Variants in DPP6 observed in about 807,000 individuals in gnomAD.
DPP6 encodes A-type potassium channel modulatory protein DPP6.
DPP6 carries 69 observed loss-of-function variants against 122.6 expected under a neutral mutation model. The ratio of observed to expected loss-of-function variants is 0.56; its 90% CI spans 0.46 to 0.69. The LOEUF (loss-of-function observed/expected upper bound fraction) is 0.69. Among genes scored for constraint, DPP6 ranks in the 30% least tolerant of loss-of-function variants. The pLI is 0.00. For missense variants in DPP6, 928 were observed against 1,116.9 expected, an observed-to-expected ratio of 0.83 and a Z score of 2.41; for synonymous variants, 418 against 433.1, an observed-to-expected ratio of 0.97 and a Z score of 0.43.
At chr7:154,358,021 T>C (rs1811420507) in intron 1 of DPP6, among the ~76,000 whole-genome samples, 1 of 152,132 alleles carries the variant, frequency 6.6e-6, no homozygotes, top group Non-Finnish European at 1.5e-5. Flanking sequence ...ATGTCAGTGG[T>C]GTCCCTCAAA....
At chr7:154,044,153 G>A (rs546884644) in intron 1 of DPP6, among the ~76,000 whole-genome samples, 5 of 152,264 alleles carry the variant, frequency 3.3e-5, no homozygotes, top group East Asian at 1.9e-4. Flanking sequence ...GGGCAATTTC[G>A]GTGTACCTCT....
Position 154,403,269 on chromosome 7 carries a change from T to C in DPP6, c.244-42945T>C, listed in dbSNP as rs1196177295. ...TGGCCTCAGAATGTCTGCCTCTGAC[T>C]ATGCAGGAGGTTGCTGTGTGATAGA... On this transcript the variant is annotated intron_variant, in intron 1 of 25. Transcript: ENST00000377770. The surrounding 1 kb of genome is among the most constrained non-coding windows in gnomAD (Gnocchi z 4.1). 2.0e-5 allele frequency among the ~76,000 whole-genome samples: 3 copies of C among 152,202 alleles called. No individual in the cohort carries two copies. The highest frequency in any genetic ancestry group is 4.4e-5 in the Non-Finnish European group (3 of 68,030).
chr7:154,871,787 A>C (rs1804421270), intron 18 of DPP6, among the ~76,000 whole-genome samples: 1 of 152,240 alleles, frequency 6.6e-6, no homozygotes, highest in African/African-American at 2.4e-5. Flanking sequence ...TAGTAATTGT[A>C]TTGAAAAGCC....
At chr7:154,731,603 C>G (rs932604924) in intron 8 of DPP6, among the ~76,000 whole-genome samples, 2 of 152,198 alleles carry the variant, frequency 1.3e-5, no homozygotes, top group African/African-American at 2.4e-5. Flanking sequence ...GTGTATCTGT[C>G]TTGCTGATTC....
chr7:154,411,950 G>A (rs1327086150), intron 1 of DPP6, among the ~76,000 whole-genome samples: 1 of 152,060 alleles, frequency 6.6e-6, no homozygotes, highest in African/African-American at 2.4e-5. Flanking sequence ...ACCCCAAGCA[G>A]GGTGTGGCTT....
At chr7:154,722,023 CAGAT>C (rs751608804) in intron 7 of DPP6, among the ~76,000 whole-genome samples, 2 of 148,166 alleles carry the variant, frequency 1.3e-5, no homozygotes, top group African/African-American at 5.1e-5. Flanking sequence ...AAAAAAGATA[CAGAT>C]AGATAGATAT....
At chr7:154,147,239 A>G (rs1796138470) in intron 1 of DPP6, among the ~76,000 whole-genome samples, 1 of 151,446 alleles carries the variant, frequency 6.6e-6, no homozygotes, top group Non-Finnish European at 1.5e-5. Context: ...CATGGTTCTC[A>G]CTCCTCTCTC....
chr7:154,271,236 C>G (rs1803767509), intron 1 of DPP6, among the ~76,000 whole-genome samples: 1 of 152,038 alleles, frequency 6.6e-6, no homozygotes, highest in African/African-American at 2.4e-5. Flanking sequence ...TCAGTGATAC[C>G]CCATTTATGT....
chr7:154,468,698 A>G (rs1323664812), intron 2 of DPP6, among the ~76,000 whole-genome samples: 2 of 152,250 alleles, frequency 1.3e-5, no homozygotes, highest in Non-Finnish European at 2.9e-5. Flanking sequence ...GAAGCTTAAA[A>G]TAAAGCATAA....
intron 1 of DPP6, among the ~76,000 whole-genome samples, chr7:154,010,969 G>A (rs1798127622): frequency 6.6e-6 from 1 of 152,226 alleles, no homozygotes; most frequent in African/African-American, 2.4e-5. Context: ...GGGTACTTGA[G>A]TGGCAGCAGA....
In DPP6 at chr7:153,925,907, C is replaced by T. The variant is rs186857347; in HGVS notation, c.51+38173C>T. On this transcript the variant is annotated intron_variant, in intron 1 of 25. Coordinates refer to the DPP6 transcript ENST00000404039. ...GTGTCTGGTATATTTCCAGTTACATCGTAGGAACTCCTGTGATGGCATGAG... is the reference window on the plus strand; with the variant it reads ...GTGTCTGGTATATTTCCAGTTACATTGTAGGAACTCCTGTGATGGCATGAG... Among the ~76,000 whole-genome samples, 62 of 152,286 alleles carry T rather than the reference C, an allele frequency of 4.1e-4. No homozygotes were observed. The East Asian group carries it at 5.8e-3, about 14-fold the overall frequency.
intron 1 of DPP6, chr7:154,092,053 A>C (rs1183076908): frequency 1.3e-5 from 2 of 151,890 alleles, no homozygotes; most frequent in African/African-American, 4.8e-5. Flanking sequence ...CTTATGCAGA[A>C]AGGGGTTCTC....
chr7:154,168,107 A>G (rs2150722331), intron 1 of DPP6, among the ~76,000 whole-genome samples: 1 of 152,338 alleles, frequency 6.6e-6, no homozygotes, highest in East Asian at 1.9e-4. Flanking sequence ...ACCAGCCTCT[A>G]AGAAATAGAG....
At chr7:154,661,760 G>T (rs11978716) in intron 6 of DPP6, among the ~76,000 whole-genome samples, 1 of 82,094 alleles carries the variant, frequency 1.2e-5, no homozygotes, top group East Asian at 4.6e-4. Context: ...ACCATGGCGT[G>T]TTGGCCCTAG....
intron 2 of DPP6, among the ~76,000 whole-genome samples, chr7:154,456,673 A>C (rs899278955): frequency 3.3e-5 from 5 of 152,166 alleles, no homozygotes; most frequent in African/African-American, 1.2e-4. Context: ...TCTGAAATGG[A>C]GGATTACCCT....
At chr7:154,006,931 C>T (rs542716918) in intron 1 of DPP6, among the ~76,000 whole-genome samples, 1 of 152,220 alleles carries the variant, frequency 6.6e-6, no homozygotes, top group Admixed American at 6.5e-5. Flanking sequence ...GCTACCTCCC[C>T]CTGAAAGGGG....
intron 1 of DPP6, among the ~76,000 whole-genome samples, chr7:154,396,685 G>A (rs1815117010): frequency 6.6e-6 from 1 of 152,214 alleles, no homozygotes; most frequent in African/African-American, 2.4e-5. Flanking sequence ...TCTCGGCCAG[G>A]CACAGTGGCT....
intron 1 of DPP6, among the ~76,000 whole-genome samples, chr7:154,331,761 C>T (rs1808965825): frequency 6.6e-6 from 1 of 152,134 alleles, no homozygotes; most frequent in Non-Finnish European, 1.5e-5. Flanking sequence ...ATATAGAGAT[C>T]TCGTGAAAAA....
At chr7:154,789,794 C>T (rs541416717) in intron 10 of DPP6, among the ~76,000 whole-genome samples, 1 of 152,354 alleles carries the variant, frequency 6.6e-6, no homozygotes, top group East Asian at 1.9e-4. Flanking sequence ...GTCGCTGCCT[C>T]GCAAGGTGCC....
Sources: gnomAD v4.1 joint callset for allele counts (sites outside exome capture counted in the v4.1 genomes callset) on GRCh38, gnomAD v4.1.1 for gene constraint, Gnocchi (gnomAD v3.1) non-coding constraint, MANE v1.5 for transcripts, NCBI Gene and HGNC (gene_info 2026-07-23, HGNC 2026-07-21) for gene names.